Variants in PLCE1 observed in about 807,000 individuals in gnomAD.
PLCE1 encodes 1-phosphatidylinositol 4,5-bisphosphate phosphodiesterase epsilon-1.
PLCE1 carries 119 observed loss-of-function variants against 242.8 expected under a neutral mutation model. The ratio of observed to expected loss-of-function variants is 0.49; its 90% CI spans 0.42 to 0.57. The LOEUF (loss-of-function observed/expected upper bound fraction) is 0.57. PLCE1 is among the 20% of genes least tolerant of loss of function. The pLI is 0.00. For synonymous variants in PLCE1, 945 were observed against 1,017.4 expected (o/e 0.93, Z 1.35); for missense variants, 2,441 against 2,788.8 (o/e 0.88, Z 2.81).
chr10:94,085,350 G>C (rs535516871), intron 2 of PLCE1, among the ~76,000 whole-genome samples: 35 of 152,222 alleles, frequency 2.3e-4, no homozygotes, highest in Admixed American at 2.3e-3. Context: ...AGGAGGAGGG[G>C]AGAATTGATG....
chr10:94,176,867 A>T (rs1047428438), intron 4 of PLCE1, among the ~76,000 whole-genome samples: 12 of 152,190 alleles, frequency 7.9e-5, no homozygotes, highest in African/African-American at 2.9e-4. Context: ...TGGGGTGTCC[A>T]GGTGGGTGAC....
intron 29 of PLCE1, among the ~76,000 whole-genome samples, chr10:94,317,139 T>C (rs1231573403): frequency 6.6e-6 from 1 of 152,038 alleles, no homozygotes. Flanking sequence ...TAATCCCAGC[T>C]ACTCATGAGG....
intron 4 of PLCE1, among the ~76,000 whole-genome samples, chr10:94,197,997 A>T: frequency 6.6e-6 from 1 of 151,258 alleles, no homozygotes; most frequent in South Asian, 2.1e-4. Context: ...AAAAAAAAAA[A>T]AAAAAAAAAA....
At chr10:94,231,814 T>A (rs1205300610) in intron 5 of PLCE1, among the ~76,000 whole-genome samples, 1 of 152,108 alleles carries the variant, frequency 6.6e-6, no homozygotes. Context: ...GGGTTTGCGC[T>A]GCTATGAGAA....
At chr10:94,170,820 C>T (rs941854426) in intron 3 of PLCE1, among the ~76,000 whole-genome samples, 1 of 152,198 alleles carries the variant, frequency 6.6e-6, no homozygotes, top group Non-Finnish European at 1.5e-5. Flanking sequence ...TACCTACCCT[C>T]ATTTCATGTC....
At chr10:94,152,103 C>T (rs748357947) in intron 3 of PLCE1, among the ~76,000 whole-genome samples, 1 of 152,032 alleles carries the variant, frequency 6.6e-6, no homozygotes, top group Non-Finnish European at 1.5e-5. Context: ...TTGGCCTAGG[C>T]AAAAAATTTA....
intron 3 of PLCE1, among the ~76,000 whole-genome samples, chr10:94,142,683 A>T (rs1377505372): frequency 6.6e-6 from 1 of 152,240 alleles, no homozygotes; most frequent in Non-Finnish European, 1.5e-5. Flanking sequence ...AAATGCCAGC[A>T]TTCCACTGTT....
chr10:94,257,867 A>G (rs2051158615), intron 11 of PLCE1, among the ~76,000 whole-genome samples: 1 of 152,198 alleles, frequency 6.6e-6, no homozygotes. Context: ...ACATGTATAC[A>G]TATGTAACAA....
chr10:94,154,911 T>TA, intron 3 of PLCE1, among the ~76,000 whole-genome samples: 1 of 147,774 alleles, frequency 6.8e-6, no homozygotes. Flanking sequence ...TATATATATA[T>TA]TTATTTAAAA....
At chr10:94,019,773 A>G (rs1360990643) in intron 1 of PLCE1, among the ~76,000 whole-genome samples, 5 of 152,174 alleles carry the variant, frequency 3.3e-5, no homozygotes, top group African/African-American at 1.2e-4. Context: ...AAATAAATAG[A>G]TGCATTCAGT....
intron 2 of PLCE1, among the ~76,000 whole-genome samples, chr10:94,099,049 A>T (rs546962430): frequency 1.3e-5 from 2 of 152,348 alleles, no homozygotes; most frequent in Admixed American, 1.3e-4. Context: ...ATTTGGAAGA[A>T]AGAAGATTGC....
intron 2 of PLCE1, among the ~76,000 whole-genome samples, chr10:94,124,927 C>T (rs1171783704): frequency 6.6e-6 from 1 of 152,252 alleles, no homozygotes; most frequent in East Asian, 1.9e-4. Flanking sequence ...ATTCTGAATA[C>T]TTTGTAAAGA....
rs371424939 is a variant in PLCE1 at position 94,259,001 on chromosome 10, A to C, written c.3678-13A>C. ...AGATACTCAATGAGAGGTGTTTTCCATTCCTCATTCAGTGTCAGGAGCCGC... is the reference window on the plus strand; with the variant it reads ...AGATACTCAATGAGAGGTGTTTTCCCTTCCTCATTCAGTGTCAGGAGCCGC... On this transcript the variant is annotated splice_polypyrimidine_tract_variant and intron_variant, in intron 12 of 32. Coordinates refer to ENST00000371380, the MANE Select transcript of PLCE1 (RefSeq NM_016341.4). The C allele has an allele frequency of 1.2e-6, 2 of 1,613,880 alleles. No individual in the cohort carries two copies. Among genetic ancestry groups the C allele is most frequent in the Non-Finnish European group, 1.7e-6 (2 of 1,179,982 alleles).
intron 2 of PLCE1, among the ~76,000 whole-genome samples, chr10:94,120,566 T>G (rs115686813): frequency 0.011 from 1,646 of 152,294 alleles, 31 homozygotes; most frequent in African/African-American, 0.038. Context: ...CTTTAAGAAT[T>G]AAATCACTGC....
At chr10:94,107,359 C>T (rs117502289) in intron 2 of PLCE1, among the ~76,000 whole-genome samples, 1,812 of 152,234 alleles carry the variant, frequency 0.012, 14 homozygotes, top group Non-Finnish European at 0.018. Flanking sequence ...TGGTGCTTTA[C>T]ATACATTATT....
intron 2 of PLCE1, among the ~76,000 whole-genome samples, chr10:94,089,689 C>A (rs1253497649): frequency 6.6e-6 from 1 of 152,060 alleles, no homozygotes; most frequent in African/African-American, 2.4e-5. Context: ...GTTTTCATTC[C>A]TTTTGCAATG....
chr10:94,192,060 G>A (rs1368552628), intron 4 of PLCE1, among the ~76,000 whole-genome samples: 1 of 152,130 alleles, frequency 6.6e-6, no homozygotes, highest in Non-Finnish European at 1.5e-5. Flanking sequence ...TATATATGGA[G>A]TGCAAAGTGA....
intron 7 of PLCE1, among the ~76,000 whole-genome samples, chr10:94,241,756 C>T (rs913993525): frequency 2.1e-5 from 3 of 144,792 alleles, no homozygotes; most frequent in African/African-American, 7.7e-5. Flanking sequence ...CACTGCACTC[C>T]AGCCTGGGCA....
rs78532588 is a variant in PLCE1, at chr10:94,055,830, A to G, written c.1206+23578A>G. On this transcript the variant is annotated intron_variant, in intron 2 of 32. Coordinates refer to ENST00000371380, the MANE Select transcript of PLCE1 (RefSeq NM_016341.4). The stretch of plus-strand genomic sequence containing the variant: ...ACAAATTTATGGCCTTTTTACTTCA[A>G]GTTGTTTTAGGATCCATAGAGATAC... Among the ~76,000 whole-genome samples the G allele has an allele frequency of 9.5e-3, 1,451 of 152,188 alleles. 19 individuals are homozygous for G. Among genetic ancestry groups the G allele is most frequent in the African/African-American group, 0.032 (1,325 of 41,502 alleles).
Sources: allele counts gnomAD v4.1 joint callset (sites outside exome capture counted in the v4.1 genomes callset), GRCh38; gene constraint gnomAD v4.1.1; transcripts MANE v1.5; gene names NCBI Gene and HGNC (gene_info 2026-07-23, HGNC 2026-07-21).